WFIKKN1: variants seen among roughly 807,000 people sequenced by gnomAD.
WFIKKN1 encodes WAP, follistatin/kazal, immunoglobulin, kunitz and netrin domain containing 1.
WFIKKN1 carries 6 observed loss-of-function variants against 4.6 expected under a neutral mutation model. That is an observed-to-expected ratio of 1.31 (90% CI 0.72 to 2.59). WFIKKN1 has a LOEUF of 2.59. Ranked by LOEUF, WFIKKN1 falls within the 30% of genes most tolerant of loss-of-function variation. The pLI is 0.00. For missense variants in WFIKKN1, 964 were observed against 818.0 expected (o/e 1.18, Z -2.18); for synonymous variants, 468 against 367.4 (o/e 1.27, Z -3.13).
In WFIKKN1 at chr16:633,207, G is replaced by C; in HGVS notation, c.797G>C (p.Arg266Pro). ...EDAGLYTCTA[R>P]NAAGLLRADF... is the part of the protein sequence containing the mutation. Reference sequence around the variant, plus strand: ...GCCGGCCTGTACACCTGCACCGCGCGCAACGCTGCTGGGCTGCTGCGGGCT... The same window carrying C: ...GCCGGCCTGTACACCTGCACCGCGCCCAACGCTGCTGGGCTGCTGCGGGCT... The change falls in exon 2 of 2, where the codon CGC (arginine) becomes CCC (proline). Residue 266 changes from arginine (R) to proline (P), a missense_variant. Physicochemically the swap from Arg to Pro is moderately radical, Grantham distance 103. Transcript: ENST00000319070. The C allele has an allele frequency of 6.3e-7, 1 of 1,590,918 alleles. No individual in the cohort carries two copies. Among genetic ancestry groups the C allele is most frequent in the Non-Finnish European group, 8.6e-7 (1 of 1,168,398 alleles).
chr16:632,520 C>A (rs980416838), intron 1 of WFIKKN1, 62 bp from the exon 2 acceptor site: 1 of 1,425,076 alleles, frequency 7.0e-7, no homozygotes, highest in African/African-American at 1.5e-5. Flanking sequence ...CTTGCAGGGG[C>A]CAGGCCAGAG....
Position 632,648 on chromosome 16 carries a change from T to C in WFIKKN1, c.238T>C (p.Phe80Leu). The change falls in exon 2 of 2, where the codon TTC becomes CTC. Residue 80 changes from phenylalanine to leucine, a missense_variant. Physicochemically the swap from Phe to Leu is conservative, Grantham distance 22. Coordinates refer to ENST00000319070, the MANE Select transcript of WFIKKN1 (RefSeq NM_053284.3). ...CGLHSCVAAR[F>L]PGSPAAPTTA... ...ACTGCACAGCTGCGTGGCAGCACGC[T>C]TCCCCGGCAGCCCAGCTGCGCCGAC... is the stretch of plus-strand genomic sequence containing the variant. 6.2e-7 allele frequency: 1 copy of C among 1,601,168 alleles called. No homozygotes were observed. Among genetic ancestry groups the C allele is most frequent in the Non-Finnish European group, 8.5e-7 (1 of 1,173,504 alleles).
rs756760496 is a variant in WFIKKN1, at chr16:633,190, G to A, written c.780G>A (p.Leu260=). The A allele has an allele frequency of 6.3e-7, 1 of 1,595,918 alleles. No homozygotes were observed. Residue 260 remains leucine (L), a synonymous_variant, in exon 2 of 2, where the codon CTG becomes CTA. Coordinates refer to ENST00000319070, the MANE Select transcript of WFIKKN1 (RefSeq NM_053284.3). ...ACGCGCGGCCCGAAGACGCCGGCCT[G>A]TACACCTGCACCGCGCGCAACGCTG... ...LYNARPEDAG[L]YTCTARNAAG...
rs770412833 is a variant in WFIKKN1, at chr16:633,143, A to G, written c.733A>G (p.Ile245Val). The G allele has an allele frequency of 6.9e-6, 11 of 1,605,808 alleles. No individual in the cohort carries two copies. The East Asian group carries it at 2.5e-4, about 36-fold the overall frequency. Residue 245 changes from isoleucine (I) to valine (V), a missense_variant, in exon 2 of 2, where the codon ATC becomes GTC. Transcript: ENST00000319070. The part of the protein sequence containing the change: ...QMYGNVVVTS[I>V]GQLVLYNARP... ...GTATGGCAACGTGGTGGTCACCAGC[A>G]TCGGGCAGCTGGTGCTCTACAACGC...
Position 632,623 on chromosome 16 carries a change from A to G in WFIKKN1, c.213A>G (p.Gly71=). The G allele has an allele frequency of 6.3e-7, 1 of 1,589,748 alleles. No homozygotes were observed. The part of the protein sequence containing the change: ...AAEKCCINVC[G]LHSCVAARFP... ...AGAAGTGCTGCATCAACGTGTGTGGACTGCACAGCTGCGTGGCAGCACGCT... is the reference window on the plus strand; with the variant it reads ...AGAAGTGCTGCATCAACGTGTGTGGGCTGCACAGCTGCGTGGCAGCACGCT... The change falls in exon 2 of 2, where the codon GGA becomes GGG. Residue 71 remains glycine (G), a synonymous_variant. Transcript: ENST00000319070.
chr16:631,296 C>G lies in WFIKKN1; in HGVS notation c.43C>G (p.Arg15Gly). 1.3e-6 allele frequency: 2 copies of G among 1,596,512 alleles called. No individual in the cohort carries two copies. The highest frequency in any genetic ancestry group is 1.7e-6 in the Non-Finnish European group (2 of 1,177,534). ...RPLLPLLLLL[R>G]LTSGAGLLPG... ...ACTCCTGCCGCTCCTGCTCCTCCTC[C>G]GGCTGACCTCGGGGGCTGGCTTGCT... Residue 15 changes from arginine (R) to glycine (G), a missense_variant, in exon 1 of 2, where the codon CGG becomes GGG. Coordinates refer to ENST00000319070, the MANE Select transcript of WFIKKN1 (RefSeq NM_053284.3).
intron 1 of WFIKKN1, 54 bp downstream of exon 1, chr16:631,478 A>C: frequency 6.4e-7 from 1 of 1,573,980 alleles, no homozygotes. Context: ...CCTGGGCAAG[A>C]CCCTGCTGGA....
chr16:633,572 G>C lies in WFIKKN1; in HGVS notation c.1162G>C (p.Val388Leu). 1 of 1,564,172 alleles carries C rather than the reference G, an allele frequency of 6.4e-7. No homozygotes were observed. Among genetic ancestry groups the C allele is most frequent in the African/African-American group, 1.4e-5 (1 of 72,216 alleles). ...SPLLQQCHPF[V>L]YGGCEGNGNN... is the part of the protein sequence containing the mutation. ...GCTGCTGCAGCAGTGCCATCCCTTC[G>C]TGTACGGTGGCTGCGAGGGCAACGG... The change falls in exon 2 of 2, where the codon GTG becomes CTG. Residue 388 changes from valine (V) to leucine (L), a missense_variant. Val to Leu is a conservative substitution (Grantham distance 32). Coordinates refer to ENST00000319070, the MANE Select transcript of WFIKKN1 (RefSeq NM_053284.3).
chr16:632,837 G>A lies in WFIKKN1; in HGVS notation c.427G>A (p.Ala143Thr), dbSNP rs780971121. 3 of 1,568,618 alleles carry A rather than the reference G, an allele frequency of 1.9e-6. No individual in the cohort carries two copies. The highest frequency in any genetic ancestry group is 2.6e-6 in the Non-Finnish European group (3 of 1,155,102). Residue 143 changes from alanine to threonine, a missense_variant, in exon 2 of 2, where the codon GCC becomes ACC. Ala to Thr is a moderately conservative substitution (Grantham distance 58, BLOSUM62 0). Coordinates refer to ENST00000319070, the MANE Select transcript of WFIKKN1 (RefSeq NM_053284.3). ...CTACTACAACCGCTGCTATATGGAC[G>A]CCGAGGCCTGCCTGCGGGGCCTGCA... ...LTYYNRCYMDAEACLRGLHLH... is the reference protein window; with the variant it reads ...LTYYNRCYMDTEACLRGLHLH...
At position 633,340 on chromosome 16, in the gene WFIKKN1, T is replaced by A; in HGVS notation, c.930T>A (p.Thr310=). 1 of 1,580,220 alleles carries A rather than the reference T, an allele frequency of 6.3e-7. No individual in the cohort carries two copies. The highest frequency in any genetic ancestry group is 8.6e-7 in the Non-Finnish European group (1 of 1,167,320). Residue 310 remains threonine, a synonymous_variant, in exon 2 of 2, where the codon ACT becomes ACA. Coordinates refer to ENST00000319070, the MANE Select transcript of WFIKKN1 (RefSeq NM_053284.3). ...ATGTGCAGGCCTGCACGGGCCCCAC[T>A]TCCCCACACCTTGTCCTCTGGCACT... ...LPDVQACTGP[T]SPHLVLWHYD...
intron 1 of WFIKKN1, 102 bp downstream of exon 1, chr16:631,526 G>C: frequency 2.1e-6 from 3 of 1,433,718 alleles, no homozygotes; most frequent in Non-Finnish European, 2.8e-6. Context: ...GACTTCTGGG[G>C]GGTCTGGGTC....
rs770940609 is a variant in WFIKKN1 at position 633,956 on chromosome 16, G to A, written c.1546G>A (p.Ala516Thr). 5.6e-6 allele frequency: 9 copies of A among 1,596,532 alleles called. No homozygotes were observed. Among genetic ancestry groups the A allele is most frequent in the Middle Eastern group, 3.3e-4 (2 of 6,056 alleles). ...GCGCGATGGCGTGGCCGTGCTGGAC[G>A]CCGGCAGCTACGTCCGCGCCGCCAG... The part of the protein sequence containing the change: ...EVRDGVAVLD[A>T]GSYVRAASEK... Residue 516 changes from alanine to threonine, a missense_variant, in exon 2 of 2, where the codon GCC becomes ACC. Physicochemically the swap from Ala to Thr is moderately conservative, Grantham distance 58 (BLOSUM62 0). Coordinates refer to ENST00000319070, the MANE Select transcript of WFIKKN1 (RefSeq NM_053284.3).
rs1339125951 is a variant in WFIKKN1, at chr16:633,225, T to C, written c.815T>C (p.Leu272Pro). The C allele has an allele frequency of 1.9e-6, 3 of 1,586,952 alleles. No individual in the cohort carries two copies. Among genetic ancestry groups the C allele is most frequent in the African/African-American group, 1.3e-5 (1 of 74,090 alleles). The change falls in exon 2 of 2, where the codon CTG (leucine) becomes CCG (proline). Residue 272 changes from leucine to proline, a missense_variant. Transcript: ENST00000319070. ...ACCGCGCGCAACGCTGCTGGGCTGC[T>C]GCGGGCTGACTTCCCACTCTCTGTG... ...TCTARNAAGL[L>P]RADFPLSVVQ...
rs1471940059 is a variant in WFIKKN1 at position 633,493 on chromosome 16, G to C, written c.1083G>C (p.Leu361=). The change falls in exon 2 of 2, where the codon CTG becomes CTC. Residue 361 remains leucine (L), a synonymous_variant. Coordinates refer to ENST00000319070, the MANE Select transcript of WFIKKN1 (RefSeq NM_053284.3). ...GCGGCCCCGGCGACGCCTGCGTGCTGCCTGCCGTGCAGGGCCCCTGCCGGG... is the reference window on the plus strand; with the variant it reads ...GCGGCCCCGGCGACGCCTGCGTGCTCCCTGCCGTGCAGGGCCCCTGCCGGG... ...CARGPGDACV[L]PAVQGPCRGW... The C allele has an allele frequency of 1.3e-6, 2 of 1,516,700 alleles. No individual in the cohort carries two copies. The highest frequency in any genetic ancestry group is 1.8e-6 in the Non-Finnish European group (2 of 1,141,678). 94.0% of individuals were successfully genotyped at this position (1,516,700 alleles called of 1,614,324 possible).
In WFIKKN1 at chr16:633,177, A is replaced by C. The variant is rs753045620; in HGVS notation, c.767A>C (p.Glu256Ala). The change falls in exon 2 of 2, where the codon GAA becomes GCA. Residue 256 changes from glutamate (E) to alanine (A), a missense_variant. By Grantham distance (107) the Glu-to-Ala change is moderately radical (BLOSUM62 -1). Transcript: ENST00000319070. ...GQLVLYNARPEDAGLYTCTAR... is the reference protein window; with the variant it reads ...GQLVLYNARPADAGLYTCTAR... ...CTGGTGCTCTACAACGCGCGGCCCG[A>C]AGACGCCGGCCTGTACACCTGCACC... 6.9e-6 allele frequency: 11 copies of C among 1,595,568 alleles called. No individual in the cohort carries two copies. Among genetic ancestry groups the C allele is most frequent in the Non-Finnish European group, 8.6e-6 (10 of 1,169,168 alleles).
chr16:631,421 C>T lies in WFIKKN1; in HGVS notation c.168C>T (p.Asp56=), dbSNP rs141968670. The change falls in exon 1 of 2, where the codon GAC becomes GAT. Residue 56 remains aspartate (D), a synonymous_variant. Coordinates refer to ENST00000319070, the MANE Select transcript of WFIKKN1 (RefSeq NM_053284.3). ...CCTGTGAGCGCGAGTGTAGCAGGGA[C>T]CAGGTGAGTGTGGTCGGGCCGGGGT... The part of the protein sequence containing the change: ...QSTCERECSR[D]QDCAAAEKCC... 12 of 1,606,942 alleles carry T rather than the reference C, an allele frequency of 7.5e-6. No individual in the cohort carries two copies. The highest frequency in any genetic ancestry group is 9.3e-6 in the Non-Finnish European group (11 of 1,178,476).
In WFIKKN1 at chr16:634,114, C is replaced by G; in HGVS notation, c.*57C>G. On this transcript the variant is annotated 3_prime_UTR_variant, in exon 2 of 2. Transcript: ENST00000319070. The stretch of plus-strand genomic sequence containing the variant: ...GTGAATAAACGCACTCCCTGTGCCT[C>G]AGACCTCCTGGCTTGCTGCTGCTGG... 5 of 1,471,484 alleles carry G rather than the reference C, an allele frequency of 3.4e-6. No individual in the cohort carries two copies. The highest frequency in any genetic ancestry group is 4.5e-6 in the Non-Finnish European group (5 of 1,119,808). 91.2% of individuals were successfully genotyped at this position (1,471,484 alleles called of 1,614,324 possible).
In WFIKKN1 at chr16:633,856, G is replaced by A. The variant is rs373712260; in HGVS notation, c.1446G>A (p.Leu482=). 1.3e-6 allele frequency: 2 copies of A among 1,596,916 alleles called. No homozygotes were observed. Among genetic ancestry groups the A allele is most frequent in the Non-Finnish European group, 8.5e-7 (1 of 1,172,564 alleles). The change falls in exon 2 of 2, where the codon CTG becomes CTA. Residue 482 remains leucine (L), a synonymous_variant. Coordinates refer to ENST00000319070, the MANE Select transcript of WFIKKN1 (RefSeq NM_053284.3). Reference sequence around the variant, plus strand: ...GCACCAAGTACCTGGAGGTGACGCTGAGTGGCATGGACTGGGCCTGCCCCT... The same window carrying A: ...GCACCAAGTACCTGGAGGTGACGCTAAGTGGCATGGACTGGGCCTGCCCCT... The part of the protein sequence containing the change: ...FLGTKYLEVT[L]SGMDWACPCP...
rs377538077 is a variant in WFIKKN1, at chr16:633,968, G to C, written c.1558G>C (p.Val520Leu). 3 of 1,598,180 alleles carry C rather than the reference G, an allele frequency of 1.9e-6. No individual in the cohort carries two copies. The highest frequency in any genetic ancestry group is 1.7e-5 in the Admixed American group (1 of 58,376). ...GGCCGTGCTGGACGCCGGCAGCTAC[G>C]TCCGCGCCGCCAGCGAGAAGCGCGT... ...GVAVLDAGSY[V>L]RAASEKRVKK... The change falls in exon 2 of 2, where the codon GTC (valine) becomes CTC (leucine). Residue 520 changes from valine to leucine, a missense_variant. Val to Leu is a conservative substitution (Grantham distance 32). Transcript: ENST00000319070.
Sources: gnomAD v4.1 joint callset for allele counts on GRCh38, gnomAD v4.1.1 for gene constraint, MANE v1.5 for transcripts, NCBI Gene and HGNC (gene_info 2026-07-23, HGNC 2026-07-21) for gene names.